Variants in RBFOX2 observed in about 807,000 individuals in gnomAD.
RBFOX2 encodes RNA binding protein fox-1 homolog 2.
RBFOX2 carries 10 observed loss-of-function variants against 49.1 expected under a neutral mutation model. That is an observed-to-expected ratio of 0.20 (90% CI 0.13 to 0.35). RBFOX2 has a LOEUF of 0.35. Among genes scored for constraint, RBFOX2 ranks in the 10% least tolerant of loss-of-function variants. The probability of loss-of-function intolerance (pLI) is 1.00; values close to 1 mark genes in which losing one functional copy is unlikely to be tolerated. For missense variants in RBFOX2, 323 were observed against 486.9 expected, an observed-to-expected ratio of 0.66 and a Z score of 3.17; for synonymous variants, 183 against 187.4, an observed-to-expected ratio of 0.98 and a Z score of 0.19.
At chr22:35,791,220 A>G (rs945566959) in intron 2 of RBFOX2, among the ~76,000 whole-genome samples, 1 of 151,992 alleles carries the variant, frequency 6.6e-6, no homozygotes, top group African/African-American at 2.4e-5. Flanking sequence ...CCTCGTCTCC[A>G]CTAAAAATAC....
chr22:35,863,882 G>A (rs1022392148), intron 1 of RBFOX2, among the ~76,000 whole-genome samples: 3 of 152,104 alleles, frequency 2.0e-5, no homozygotes, highest in Admixed American at 1.3e-4. Flanking sequence ...ATTAGAAATC[G>A]AAGTTGCCCC....
intron 1 of RBFOX2, among the ~76,000 whole-genome samples, chr22:35,909,459 C>A (rs2049517604): frequency 6.6e-6 from 1 of 152,052 alleles, no homozygotes; most frequent in Non-Finnish European, 1.5e-5. Context: ...AAATATGTAA[C>A]CCTGTTTTAG....
intron 1 of RBFOX2, among the ~76,000 whole-genome samples, chr22:35,912,731 C>T (rs2049970557): frequency 6.6e-6 from 1 of 152,032 alleles, no homozygotes; most frequent in South Asian, 2.1e-4. Context: ...TATGGGTTTT[C>T]CGGGGTGATC....
chr22:35,914,732 G>A (rs539825378), intron 1 of RBFOX2, among the ~76,000 whole-genome samples: 2 of 152,336 alleles, frequency 1.3e-5, no homozygotes, highest in South Asian at 4.1e-4. Context: ...GTTCCCAAAG[G>A]GGTGGGGAAG....
chr22:36,014,503 G>C (rs1031488409), intron 1 of RBFOX2, among the ~76,000 whole-genome samples: 1 of 152,104 alleles, frequency 6.6e-6, no homozygotes, highest in Non-Finnish European at 1.5e-5. Context: ...TGCTGAATGA[G>C]TCAAAATTTT....
intron 1 of RBFOX2, among the ~76,000 whole-genome samples, chr22:35,882,007 TGAAAA>T (rs1379838088): frequency 7.0e-6 from 1 of 143,640 alleles, no homozygotes; most frequent in South Asian, 2.3e-4. Flanking sequence ...AAAAAAGAAA[TGAAAA>T]GAAAAGAAAA....
chr22:35,846,102 A>C (rs575382071), intron 1 of RBFOX2, among the ~76,000 whole-genome samples: 9 of 150,526 alleles, frequency 6.0e-5, no homozygotes, highest in East Asian at 5.8e-4. Flanking sequence ...TTGCATGTTA[A>C]TATAATTACA....
chr22:35,998,957 C>G (rs2058300666), intron 1 of RBFOX2: 2 of 152,606 alleles, frequency 1.3e-5, no homozygotes, highest in Non-Finnish European at 2.9e-5. Flanking sequence ...TTCCAATTAG[C>G]CACAGTGGCA....
intron 1 of RBFOX2, among the ~76,000 whole-genome samples, chr22:35,989,242 TAACTTAAAA>T (rs2057859198): frequency 6.6e-6 from 1 of 152,132 alleles, no homozygotes. Flanking sequence ...GAAATATATA[TAACTTAAAA>T]GAATTAAAAA....
At chr22:35,785,465 G>GT (rs1477240015) in intron 2 of RBFOX2, among the ~76,000 whole-genome samples, 1 of 152,206 alleles carries the variant, frequency 6.6e-6, no homozygotes. Context: ...TGAGATAGAA[G>GT]TGAGTCCCCA....
chr22:35,792,350 G>C, intron 2 of RBFOX2, among the ~76,000 whole-genome samples: 1 of 132,346 alleles, frequency 7.6e-6, no homozygotes, highest in South Asian at 2.4e-4. Flanking sequence ...GAAAAGAAAA[G>C]AAAAGAAAAG....
At chr22:35,788,700 T>C (rs1366730825) in intron 2 of RBFOX2, among the ~76,000 whole-genome samples, 1 of 152,220 alleles carries the variant, frequency 6.6e-6, no homozygotes, top group African/African-American at 2.4e-5. Flanking sequence ...TTTTTTCTTC[T>C]CTCTTGCAGC....
chr22:35,840,716 T>C, upstream of RBFOX2: 1 of 696,058 alleles, frequency 1.4e-6, no homozygotes, highest in African/African-American at 1.9e-5. Flanking sequence ...AAGGATGCGA[T>C]GATGGAATTA....
chr22:35,798,345 C>T (rs563999996), intron 2 of RBFOX2, among the ~76,000 whole-genome samples: 1 of 152,326 alleles, frequency 6.6e-6, no homozygotes, highest in Admixed American at 6.5e-5. Flanking sequence ...TTTTTAAGAA[C>T]ACCTAGTGCC....
intron 1 of RBFOX2, among the ~76,000 whole-genome samples, chr22:35,919,305 A>C (rs2050762048): frequency 6.6e-6 from 1 of 152,216 alleles, no homozygotes; most frequent in African/African-American, 2.4e-5. Flanking sequence ...TCAGAGGCTG[A>C]GGCGCGTGGA....
chr22:35,807,610 G>C (rs189038289), intron 2 of RBFOX2, among the ~76,000 whole-genome samples: 2 of 152,000 alleles, frequency 1.3e-5, no homozygotes, highest in Admixed American at 1.3e-4. Context: ...GAAACTTTCT[G>C]TGTTTACAGT....
rs546287333 is a variant in RBFOX2 at position 35,836,894 on chromosome 22, C to T, written c.27+3298G>A. Among the ~76,000 whole-genome samples, 94 of 152,250 alleles carry T rather than the reference C, an allele frequency of 6.2e-4. 1 individual carries two copies. Among genetic ancestry groups the T allele is most frequent in the Non-Finnish European group, 1.2e-3 (82 of 68,012 alleles). On this transcript the variant is annotated intron_variant, in intron 1 of 11. Transcript: ENST00000405409. ...TACACATAGTACAAGAATGATTTAT[C>T]TTTCCTTCATATTCCATATTGCTAT... is the stretch of plus-strand genomic sequence containing the variant.
intron 1 of RBFOX2, among the ~76,000 whole-genome samples, chr22:36,000,789 T>C (rs1039435850): frequency 6.6e-6 from 1 of 152,182 alleles, no homozygotes; most frequent in Non-Finnish European, 1.5e-5. Flanking sequence ...TCCTGATTCT[T>C]TCTGCTTTTG....
At chr22:36,015,957 GCTAA>G (rs1197264563) in intron 1 of RBFOX2, among the ~76,000 whole-genome samples, 4 of 152,142 alleles carry the variant, frequency 2.6e-5, no homozygotes, top group Non-Finnish European at 5.9e-5. Flanking sequence ...ATGCAACAGG[GCTAA>G]CTATGTAGCT....
Sources: gnomAD v4.1 joint callset for allele counts (sites outside exome capture counted in the v4.1 genomes callset) on GRCh38, gnomAD v4.1.1 for gene constraint, MANE v1.5 for transcripts, NCBI Gene and HGNC (gene_info 2026-07-23, HGNC 2026-07-21) for gene names.